PDE7B: variants seen among roughly 807,000 people sequenced by gnomAD.
PDE7B encodes the protein phosphodiesterase 7B, also known as 3',5'-cyclic-AMP phosphodiesterase 7B.
A neutral mutation model predicts 56.2 loss-of-function variants in PDE7B; 29 were observed. That is an observed-to-expected ratio of 0.52 (90% CI 0.38 to 0.70). The LOEUF (loss-of-function observed/expected upper bound fraction) is 0.70. PDE7B is among the 30% of genes least tolerant of loss of function. The pLI is 0.00. For synonymous variants in PDE7B, 197 were observed against 196.9 expected (o/e 1.00, Z 0.00); for missense variants, 490 against 565.0 (o/e 0.87, Z 1.35).
chr6:135,930,525 AG>A (rs543828004), intron 1 of PDE7B, among the ~76,000 whole-genome samples: 55 of 152,296 alleles, frequency 3.6e-4, no homozygotes, highest in South Asian at 2.5e-3. Context: ...ATCTAAGCAT[AG>A]GATGAGAATG....
At chr6:136,139,796 C>T (rs568333858) in intron 3 of PDE7B, among the ~76,000 whole-genome samples, 2,106 of 152,222 alleles carry the variant, frequency 0.014, 18 homozygotes, top group African/African-American at 0.015. Flanking sequence ...TCATATCCTT[C>T]GCCCACTTGT....
intron 2 of PDE7B, among the ~76,000 whole-genome samples, chr6:136,101,372 C>T (rs898232550): frequency 5.3e-5 from 8 of 152,094 alleles, no homozygotes; most frequent in Non-Finnish European, 8.8e-5. Flanking sequence ...TGGTAGAATT[C>T]GGCTGTGAAT....
chr6:135,945,596 G>A (rs1583787990), intron 1 of PDE7B, among the ~76,000 whole-genome samples: 1 of 152,120 alleles, frequency 6.6e-6, no homozygotes. Context: ...ATAATCAGGT[G>A]TGAAGAACAT....
At chr6:135,929,969 G>T (rs1263014054) in intron 1 of PDE7B, among the ~76,000 whole-genome samples, 1 of 152,200 alleles carries the variant, frequency 6.6e-6, no homozygotes, top group Non-Finnish European at 1.5e-5. Context: ...AGAGCTGAAG[G>T]CCTTGTGTGC....
chr6:136,119,423 A>G (rs1777892151), intron 3 of PDE7B, among the ~76,000 whole-genome samples: 1 of 152,212 alleles, frequency 6.6e-6, no homozygotes, highest in Admixed American at 6.5e-5. Flanking sequence ...CGCCAGAAAA[A>G]GAACCTTTAT....
chr6:136,181,130 A>T, intron 10 of PDE7B, 97 bp from the exon 11 acceptor site: 1 of 813,780 alleles, frequency 1.2e-6, no homozygotes, highest in Non-Finnish European at 2.2e-6. Context: ...TGGTACTGTG[A>T]GCAGACTGAA....
At chr6:136,177,435 T>C (rs372825815) in intron 9 of PDE7B, among the ~76,000 whole-genome samples, 3 of 152,158 alleles carry the variant, frequency 2.0e-5, no homozygotes, top group South Asian at 2.1e-4. Flanking sequence ...ATTTAAAATA[T>C]GCAAAGAACC....
At chr6:136,136,564 A>G (rs529427767) in intron 3 of PDE7B, among the ~76,000 whole-genome samples, 2 of 152,222 alleles carry the variant, frequency 1.3e-5, no homozygotes, top group Non-Finnish European at 2.9e-5. Context: ...CTAAAAGAGT[A>G]TAACTGGATT....
intron 1 of PDE7B, among the ~76,000 whole-genome samples, chr6:135,853,272 G>T (rs1774968924): frequency 6.6e-6 from 1 of 152,170 alleles, no homozygotes; most frequent in African/African-American, 2.4e-5. Flanking sequence ...CAAACATGAG[G>T]TGTATTTCAA....
Position 136,147,449 on chromosome 6 carries a change from A to T in PDE7B, c.265A>T (p.Ile89Leu). The change falls in exon 4 of 13, where the codon ATA becomes TTA. Residue 89 changes from isoleucine to leucine, a missense_variant. Physicochemically the swap from Ile to Leu is conservative, Grantham distance 5. Coordinates refer to ENST00000308191, the MANE Select transcript of PDE7B (RefSeq NM_018945.4). Reference protein sequence around the residue: ...FHASRLLRGIIPQAPLHLLDE... With the variant: ...FHASRLLRGILPQAPLHLLDE... ...TGCATCAAGGCTGCTTCGTGGAATT[A>T]TACCACAAGCCCCTCTGCACCTGCT... The T allele has an allele frequency of 6.2e-7, 1 of 1,613,832 alleles. No homozygotes were observed. The highest frequency in any genetic ancestry group is 1.1e-5 in the South Asian group (1 of 91,072).
At chr6:136,053,824 T>G (rs1299170060) in intron 2 of PDE7B, among the ~76,000 whole-genome samples, 1 of 152,194 alleles carries the variant, frequency 6.6e-6, no homozygotes, top group Non-Finnish European at 1.5e-5. Context: ...GATGAGCATT[T>G]TTTCATGTGT....
intron 2 of PDE7B, among the ~76,000 whole-genome samples, chr6:135,965,695 C>G (rs533718211): frequency 6.6e-6 from 1 of 152,118 alleles, no homozygotes; most frequent in Non-Finnish European, 1.5e-5. Context: ...CCTCATGATT[C>G]GGTTACCTCC....
At chr6:135,869,765 G>C (rs1472775628) in intron 1 of PDE7B, among the ~76,000 whole-genome samples, 1 of 152,198 alleles carries the variant, frequency 6.6e-6, no homozygotes, top group Non-Finnish European at 1.5e-5. Flanking sequence ...GATTGAGAAA[G>C]AGACAGCCAA....
At chr6:136,087,893 A>G (rs1256786781) in intron 2 of PDE7B, among the ~76,000 whole-genome samples, 1 of 152,220 alleles carries the variant, frequency 6.6e-6, no homozygotes, top group African/African-American at 2.4e-5. Flanking sequence ...TCTTAGAACT[A>G]TCTATCTTGG....
chr6:135,946,249 AT>A (rs1349612923), intron 1 of PDE7B, among the ~76,000 whole-genome samples: 1 of 150,920 alleles, frequency 6.6e-6, no homozygotes, highest in Non-Finnish European at 1.5e-5. Context: ...AATATTCCAG[AT>A]TTTTAATATT....
intron 1 of PDE7B, among the ~76,000 whole-genome samples, chr6:135,864,795 T>C (rs1335388806): frequency 6.6e-6 from 1 of 152,016 alleles, no homozygotes; most frequent in Non-Finnish European, 1.5e-5. Flanking sequence ...TTTCTTTTTT[T>C]ATTATTATTA....
intron 2 of PDE7B, among the ~76,000 whole-genome samples, chr6:136,001,096 G>C (rs543702121): frequency 6.6e-6 from 1 of 152,208 alleles, no homozygotes; most frequent in Admixed American, 6.5e-5. Flanking sequence ...ACAGAGTCTG[G>C]AGTGGACCTC....
intron 2 of PDE7B, among the ~76,000 whole-genome samples, chr6:136,000,987 T>G (rs555409930): frequency 2.0e-5 from 3 of 152,170 alleles, no homozygotes; most frequent in Non-Finnish European, 4.4e-5. Context: ...AGCCGGGTAC[T>G]CCTCTGAGAC....
chr6:136,039,552 T>C (rs1776382015), intron 2 of PDE7B, among the ~76,000 whole-genome samples: 1 of 152,200 alleles, frequency 6.6e-6, no homozygotes, highest in African/African-American at 2.4e-5. Flanking sequence ...TAATGATTTA[T>C]GCCAGGAACT....
Sources: gnomAD v4.1 joint callset for allele counts (sites outside exome capture counted in the v4.1 genomes callset) on GRCh38, gnomAD v4.1.1 for gene constraint, MANE v1.5 for transcripts, NCBI Gene and HGNC (gene_info 2026-07-23, HGNC 2026-07-21) for gene names.